GPC1: variants seen among roughly 807,000 people sequenced by gnomAD.
The protein encoded by GPC1 is glypican-1.
In GPC1, 26 loss-of-function variants were observed where a neutral mutation model predicts 51.5. The ratio of observed to expected loss-of-function variants is 0.50; its 90% CI spans 0.37 to 0.70. GPC1 has a LOEUF of 0.70. Among genes scored for constraint, GPC1 ranks in the 30% least tolerant of loss-of-function variants. The pLI is 0.00. For missense variants in GPC1, 775 were observed against 800.5 expected, an observed-to-expected ratio of 0.97 and a Z score of 0.38; for synonymous variants, 380 against 348.3, an observed-to-expected ratio of 1.09 and a Z score of -1.01.
intron 1 of GPC1, among the ~76,000 whole-genome samples, chr2:240,441,591 C>T (rs1165186051): frequency 1.3e-5 from 2 of 152,226 alleles, no homozygotes; most frequent in Non-Finnish European, 2.9e-5. Flanking sequence ...GTCGCCAGCA[C>T]AGCCCTGTGG....
At chr2:240,450,610 C>A in intron 1 of GPC1, 1 of 470,844 alleles carries the variant, frequency 2.1e-6, no homozygotes, top group Non-Finnish European at 4.4e-6. Flanking sequence ...GGAGCCCTCA[C>A]CATGTGTGAC....
At chr2:240,447,952 G>A (rs2074062955) in intron 1 of GPC1, among the ~76,000 whole-genome samples, 1 of 152,142 alleles carries the variant, frequency 6.6e-6, no homozygotes, top group Non-Finnish European at 1.5e-5. Flanking sequence ...AGCACGCAGT[G>A]TCGGCGCTCC....
At chr2:240,454,164 C>T (rs1024987629) in intron 1 of GPC1, among the ~76,000 whole-genome samples, 4 of 152,122 alleles carry the variant, frequency 2.6e-5, no homozygotes, top group Non-Finnish European at 4.4e-5. Flanking sequence ...GCTGAGATGC[C>T]GTGGCCGGTC....
At position 240,459,042 on chromosome 2, in the gene GPC1, G is replaced by A. The variant is rs141069921; in HGVS notation, c.179G>A (p.Arg60Gln). Residue 60 changes from arginine to glutamine, a missense_variant, in exon 2 of 9, where the codon CGG becomes CAG. Physicochemically the swap from Arg to Gln is conservative, Grantham distance 43. Coordinates refer to ENST00000264039, the MANE Select transcript of GPC1 (RefSeq NM_002081.3). The stretch of plus-strand genomic sequence containing the variant: ...CCTTTCCCCACAGGTGAGCACCTGC[G>A]GATCTGTCCCCAGGGCTACACCTGC... ...PQAEISGEHL[R>Q]ICPQGYTCCT... is the part of the protein sequence containing the mutation. The A allele has an allele frequency of 2.2e-5, 36 of 1,612,618 alleles. No individual in the cohort carries two copies. In the African/African-American group the frequency reaches 3.5e-4, roughly 16 times the overall value.
chr2:240,445,439 G>T (rs553689300), intron 1 of GPC1, among the ~76,000 whole-genome samples: 138 of 152,294 alleles, frequency 9.1e-4, no homozygotes, highest in African/African-American at 3.2e-3. Context: ...TTCCACAAAC[G>T]CCAGTAGCAC....
chr2:240,447,034 C>A (rs1336747701), intron 1 of GPC1, among the ~76,000 whole-genome samples: 2 of 152,150 alleles, frequency 1.3e-5, no homozygotes, highest in African/African-American at 4.8e-5. Flanking sequence ...ATGGCCGAAC[C>A]CCTGGCGTCT....
chr2:240,458,805 G>A (rs982344958), intron 1 of GPC1: 20 of 542,560 alleles, frequency 3.7e-5, no homozygotes, highest in South Asian at 3.0e-4. Context: ...AGAGGCAGCC[G>A]TGCTCTTGTG....
intron 1 of GPC1, chr2:240,457,995 G>C (rs146398205): frequency 4.1e-5 from 19 of 468,108 alleles, no homozygotes; most frequent in African/African-American, 3.6e-4. Context: ...CACCAGGAGG[G>C]CCTTAGAGGC....
chr2:240,442,579 A>G (rs1390427394), intron 1 of GPC1: 42 of 152,250 alleles, frequency 2.8e-4, no homozygotes. Flanking sequence ...CCCTCTTCAC[A>G]AGGACACAAC....
chr2:240,444,319 C>A (rs542706156), intron 1 of GPC1, among the ~76,000 whole-genome samples: 7 of 152,232 alleles, frequency 4.6e-5, no homozygotes, highest in Non-Finnish European at 8.8e-5. Flanking sequence ...GGCTTCTGCT[C>A]TCGCCCCACA....
chr2:240,441,978 C>T (rs1013138584), intron 1 of GPC1, among the ~76,000 whole-genome samples: 10 of 152,170 alleles, frequency 6.6e-5, no homozygotes, highest in African/African-American at 2.4e-4. Flanking sequence ...GCCCCAGGCT[C>T]GGTAGCAGTC....
chr2:240,440,474 C>G (rs1365369678), intron 1 of GPC1, among the ~76,000 whole-genome samples: 1 of 152,210 alleles, frequency 6.6e-6, no homozygotes, highest in Admixed American at 6.5e-5. Flanking sequence ...TTTCCCAGCC[C>G]GCTCTCCTGT....
At chr2:240,457,209 G>A (rs1481523753) in intron 1 of GPC1, among the ~76,000 whole-genome samples, 1 of 152,170 alleles carries the variant, frequency 6.6e-6, no homozygotes, top group East Asian at 1.9e-4. Flanking sequence ...ACTCAGACAG[G>A]AAAAGAGGGC....
intron 4 of GPC1, chr2:240,464,348 G>A (rs968371919): frequency 4.2e-6 from 2 of 478,548 alleles, no homozygotes; most frequent in Non-Finnish European, 7.7e-6. Context: ...GACACGGCAG[G>A]CCAGCAAGCA....
intron 7 of GPC1, 129 bp from the exon 8 acceptor site, chr2:240,465,344 T>A: frequency 3.0e-6 from 4 of 1,326,562 alleles, no homozygotes; most frequent in Non-Finnish European, 4.2e-6. Context: ...GCGGCCTGTG[T>A]GGGCTCTGCT....
intron 1 of GPC1, among the ~76,000 whole-genome samples, chr2:240,455,422 G>A (rs1439196348): frequency 1.3e-5 from 2 of 152,198 alleles, no homozygotes; most frequent in Non-Finnish European, 2.9e-5. Flanking sequence ...CAGCCCCAGG[G>A]CCAGAGGGAG....
rs766552257 is a variant in GPC1 at position 240,462,556 on chromosome 2, A to G, written c.691A>G (p.Ser231Gly). The G allele has an allele frequency of 1.3e-6, 2 of 1,534,954 alleles. No homozygotes were observed. The highest frequency in any genetic ancestry group is 2.0e-5 in the Admixed American group (1 of 49,600). The stretch of plus-strand genomic sequence containing the variant: ...CTTTGTGCAGGGCCTGGGCGTGGCC[A>G]GCGACGTGGTCCGGAAAGTGGCTCA... The part of the protein sequence containing the change: ...RSFVQGLGVA[S>G]DVVRKVAQVP... The change falls in exon 3 of 9, where the codon AGC becomes GGC. Residue 231 changes from serine (S) to glycine (G), a missense_variant. Coordinates refer to ENST00000264039, the MANE Select transcript of GPC1 (RefSeq NM_002081.3).
chr2:240,439,912 G>C (rs914486412), intron 1 of GPC1, among the ~76,000 whole-genome samples: 1 of 152,220 alleles, frequency 6.6e-6, no homozygotes, highest in Admixed American at 6.5e-5. Context: ...GCCCTGATCC[G>C]ACAGGGCCAC....
chr2:240,460,161 T>C (rs6437344), intron 2 of GPC1, among the ~76,000 whole-genome samples: 123,949 of 152,050 alleles, frequency 0.82, 51,740 homozygotes, highest in African/African-American at 0.96. Context: ...CACAGGGCTG[T>C]GGGACCTCAG....
Sources: gnomAD v4.1 joint callset for allele counts (sites outside exome capture counted in the v4.1 genomes callset) on GRCh38, gnomAD v4.1.1 for gene constraint, MANE v1.5 for transcripts, NCBI Gene and HGNC (gene_info 2026-07-23, HGNC 2026-07-21) for gene names.